Variants in GALNT15 observed in about 807,000 individuals in gnomAD.
GALNT15 encodes polypeptide N-acetylgalactosaminyltransferase 15.
GALNT15 carries 67 observed loss-of-function variants against 66.8 expected under a neutral mutation model. That is an observed-to-expected ratio of 1.00 (90% CI 0.82 to 1.23). The LOEUF (loss-of-function observed/expected upper bound fraction) is 1.23, where lower values mean the gene tolerates loss of function less well. GALNT15 is among the 50% of genes most tolerant of loss of function. The pLI, the probability that GALNT15 is intolerant of heterozygous loss-of-function variation, is 0.00. For synonymous variants in GALNT15, 313 were observed against 311.5 expected (o/e 1.00, Z -0.05); for missense variants, 827 against 804.3 (o/e 1.03, Z -0.34).
the GALNT15 span, among the ~76,000 whole-genome samples, chr3:16,238,051 G>A: frequency 1.3e-5 from 2 of 152,302 alleles, no homozygotes; most frequent in East Asian, 1.9e-4. This position sits in a 1 kb window ranked among gnomAD's most constrained non-coding sequence, Gnocchi z 4.8. Flanking sequence ...TATTCAGTAC[G>A]GCTCTGCAGA....
Position 16,219,683 on chromosome 3 carries a change from T to A in GALNT15, c.1524+149T>A. The A allele has an allele frequency of 2.5e-6, 3 of 1,195,120 alleles. No individual in the cohort carries two copies. Among genetic ancestry groups the A allele is most frequent in the Non-Finnish European group, 3.6e-6 (3 of 842,456 alleles). The allele number at this position is 1,195,120 out of a possible 1,614,324, so 74.0% of individuals were successfully genotyped here. On this transcript the variant is annotated intron_variant, in intron 7 of 9. Coordinates refer to ENST00000339732, the MANE Select transcript of GALNT15 (RefSeq NM_054110.5). The surrounding 1 kb of genome is among the most constrained non-coding windows in gnomAD (Gnocchi z 4.3). Reference sequence around the variant, plus strand: ...GGTCCATCCCGTGCCTCCATGCCAGTCTGAGGAAGGTGGCTGAGTTTTGCC... The same window carrying A: ...GGTCCATCCCGTGCCTCCATGCCAGACTGAGGAAGGTGGCTGAGTTTTGCC...
At chr3:16,236,962 T>G (rs1240758351), downstream of GALNT15, among the ~76,000 whole-genome samples, 1 of 152,218 alleles carries the variant, frequency 6.6e-6, no homozygotes, top group Non-Finnish European at 1.5e-5. Context: ...CCAAAGTGAT[T>G]AAACTGTGCC....
the GALNT15 span, among the ~76,000 whole-genome samples, chr3:16,239,866 T>C: frequency 6.6e-6 from 1 of 152,250 alleles, no homozygotes; most frequent in African/African-American, 2.4e-5. The surrounding 1 kb of genome is among the most constrained non-coding windows in gnomAD (Gnocchi z 5.2). Context: ...TATAGGAAGT[T>C]GCGTGAGAAT....
At chr3:16,233,747 C>T (rs760226287), downstream of GALNT15, among the ~76,000 whole-genome samples, 14 of 152,192 alleles carry the variant, frequency 9.2e-5, no homozygotes, top group Non-Finnish European at 1.6e-4. Flanking sequence ...TGAACAGCAT[C>T]AATTTCTCCA....
rs2063571360 is a variant in GALNT15, at chr3:16,191,005, G to A, written c.540-4755G>A. On this transcript the variant is annotated intron_variant, in intron 1 of 9. Transcript: ENST00000339732. This position sits in a 1 kb window ranked among gnomAD's most constrained non-coding sequence, Gnocchi z 5.2. ...CCAGGAGACCTGCCTCCACAGCTTG[G>A]CGGGGCATCCCCCATAGCCTTGTAA... Among the ~76,000 whole-genome samples the A allele has an allele frequency of 6.6e-6, 1 of 152,206 alleles. No homozygotes were observed.
At chr3:16,201,877 C>G (rs1301291435) in intron 3 of GALNT15, among the ~76,000 whole-genome samples, 1 of 152,290 alleles carries the variant, frequency 6.6e-6, no homozygotes, top group African/African-American at 2.4e-5. Flanking sequence ...TGGTGGCTGG[C>G]CCACCTTGGA....
chr3:16,231,826 G>A, downstream of GALNT15: 1 of 1,536,294 alleles, frequency 6.5e-7, no homozygotes, highest in Non-Finnish European at 8.7e-7. This position sits in a 1 kb window ranked among gnomAD's most constrained non-coding sequence, Gnocchi z 4.1. Flanking sequence ...TGCTGCTGAA[G>A]CTTATCAAAG....
In GALNT15 at chr3:16,224,538, T is replaced by C. The variant is rs2063983998; in HGVS notation, c.1773+1780T>C. ...GAGAAAAAGGGAATTTGTTTATTAA[T>C]GGTTATAGAGTTTCACTTTTACAAG... On this transcript the variant is annotated intron_variant, in intron 9 of 9. Coordinates refer to ENST00000339732, the MANE Select transcript of GALNT15 (RefSeq NM_054110.5). The surrounding 1 kb of genome is among the most constrained non-coding windows in gnomAD (Gnocchi z 5.2). 6.6e-6 allele frequency among the ~76,000 whole-genome samples: 1 copy of C among 151,382 alleles called. No individual in the cohort carries two copies. The highest frequency in any genetic ancestry group is 1.5e-5 in the Non-Finnish European group (1 of 68,004).
the GALNT15 span, among the ~76,000 whole-genome samples, chr3:16,244,198 T>G: frequency 1.3e-5 from 2 of 152,308 alleles, no homozygotes; most frequent in East Asian, 3.9e-4. Flanking sequence ...TGACTCACAG[T>G]GCGATGCTCA....
Position 16,189,681 on chromosome 3 carries a change from G to C in GALNT15, c.540-6079G>C, listed in dbSNP as rs1437016373. On this transcript the variant is annotated intron_variant, in intron 1 of 9. Transcript: ENST00000339732. This position sits in a 1 kb window ranked among gnomAD's most constrained non-coding sequence, Gnocchi z 5.1. ...TAGAAAGATATCCAGGCACATGAGA[G>C]GTTTGCAAGAATCAACAATAGCTAG... 1.3e-5 allele frequency among the ~76,000 whole-genome samples: 2 copies of C among 152,314 alleles called. No homozygotes were observed. Among genetic ancestry groups the C allele is most frequent in the East Asian group, 1.9e-4 (1 of 5,188 alleles).
At chr3:16,216,838 C>G (rs1388207096) in intron 6 of GALNT15, among the ~76,000 whole-genome samples, 3 of 152,224 alleles carry the variant, frequency 2.0e-5, no homozygotes, top group Non-Finnish European at 4.4e-5. Context: ...CCTCTTAGTG[C>G]ACATGCTTGA....
At position 16,222,768 on chromosome 3, in the gene GALNT15, C is replaced by G; in HGVS notation, c.1773+10C>G. On this transcript the variant is annotated intron_variant, in intron 9 of 9. Transcript: ENST00000339732. Reference sequence around the variant, plus strand: ...CTGGGACTTCCAGGAGGTGAGTAATCTGTTCAGGAAGAGCCTGGTAGTGCT... The same window carrying G: ...CTGGGACTTCCAGGAGGTGAGTAATGTGTTCAGGAAGAGCCTGGTAGTGCT... 6 of 1,613,742 alleles carry G rather than the reference C, an allele frequency of 3.7e-6. No homozygotes were observed. Among genetic ancestry groups the G allele is most frequent in the Non-Finnish European group, 5.1e-6 (6 of 1,179,952 alleles).
chr3:16,200,150 T>G lies in GALNT15; in HGVS notation c.707-469T>G, dbSNP rs970406668. Among the ~76,000 whole-genome samples the G allele has an allele frequency of 6.6e-6, 1 of 151,930 alleles. No homozygotes were observed. The highest frequency in any genetic ancestry group is 2.4e-5 in the African/African-American group (1 of 41,368). The stretch of plus-strand genomic sequence containing the variant: ...GAGAGGAGGAAAAACTATCAAACAC[T>G]TATATAATCATCAGATCTCATGAGA... On this transcript the variant is annotated intron_variant, in intron 2 of 9. Coordinates refer to ENST00000339732, the MANE Select transcript of GALNT15 (RefSeq NM_054110.5). The surrounding 1 kb of genome is among the most constrained non-coding windows in gnomAD (Gnocchi z 4.4).
intron 8 of GALNT15, among the ~76,000 whole-genome samples, chr3:16,221,799 T>C (rs1574997950): frequency 6.6e-6 from 1 of 152,332 alleles, no homozygotes; most frequent in East Asian, 1.9e-4. Context: ...TAGGTTCACA[T>C]GTGTACTAAT....
the GALNT15 span, among the ~76,000 whole-genome samples, chr3:16,246,203 C>G: frequency 2.0e-5 from 3 of 152,250 alleles, no homozygotes; most frequent in Admixed American, 2.0e-4. Context: ...CCTACAACCT[C>G]CTCTTCACAC....
chr3:16,200,671 G>C lies in GALNT15; in HGVS notation c.759G>C (p.Lys253Asn). Reference sequence around the variant, plus strand: ...ATGTGGCCAGGCTGGAGGGGGTGAAGTTACTCAGGAGCAACAAGAGGCTGG... The same window carrying C: ...ATGTGGCCAGGCTGGAGGGGGTGAACTTACTCAGGAGCAACAAGAGGCTGG... The part of the protein sequence containing the change: ...SEYVARLEGV[K>N]LLRSNKRLGA... Residue 253 changes from lysine (K) to asparagine (N), a missense_variant, in exon 3 of 10, where the codon AAG (lysine) becomes AAC (asparagine). By Grantham distance (94) the Lys-to-Asn change is moderately conservative (BLOSUM62 0). Transcript: ENST00000339732. This position sits in a 1 kb window ranked among gnomAD's most constrained non-coding sequence, Gnocchi z 4.4. 6.2e-7 allele frequency: 1 copy of C among 1,605,298 alleles called. No homozygotes were observed. Among genetic ancestry groups the C allele is most frequent in the Non-Finnish European group, 8.5e-7 (1 of 1,175,834 alleles).
At chr3:16,190,790 C>T (rs2063568447) in intron 1 of GALNT15, among the ~76,000 whole-genome samples, 1 of 152,306 alleles carries the variant, frequency 6.6e-6, no homozygotes, top group African/African-American at 2.4e-5. Context: ...TTCTCACAAA[C>T]CTCAGGCTGG....
At chr3:16,220,189 C>G (rs1317503138) in intron 8 of GALNT15, 175 bp downstream of exon 8, 1 of 614,142 alleles carries the variant, frequency 1.6e-6, no homozygotes, top group Non-Finnish European at 2.9e-6. Context: ...CTCACCTCAC[C>G]TCCATCTGTA....
Position 16,191,776 on chromosome 3 carries a change from C to T in GALNT15, c.540-3984C>T, listed in dbSNP as rs2063582029. On this transcript the variant is annotated intron_variant, in intron 1 of 9. Transcript: ENST00000339732. The surrounding 1 kb of genome is among the most constrained non-coding windows in gnomAD (Gnocchi z 5.2). ...TCCATGCCAGGCACTGTGCCAAGCC[C>T]TTTATCAAACTTATTTCTCCCAAAA... Among the ~76,000 whole-genome samples, 1 of 152,184 alleles carries T rather than the reference C, an allele frequency of 6.6e-6. No individual in the cohort carries two copies. Among genetic ancestry groups the T allele is most frequent in the Non-Finnish European group, 1.5e-5 (1 of 68,040 alleles).
Sources: allele counts gnomAD v4.1 joint callset (sites outside exome capture counted in the v4.1 genomes callset), GRCh38; gene constraint gnomAD v4.1.1; non-coding constraint Gnocchi (gnomAD v3.1); transcripts MANE v1.5; gene names NCBI Gene and HGNC (gene_info 2026-07-23, HGNC 2026-07-21).